The following EHBP1 variants were observed in gnomAD, a reference collection of about 807,000 sequenced individuals.
EHBP1 encodes the protein EH domain-binding protein 1.
A neutral mutation model predicts 144.0 loss-of-function variants in EHBP1; 55 were observed. That is an observed-to-expected ratio of 0.38 (90% confidence interval 0.31 to 0.48). The LOEUF is 0.48. Ranked by LOEUF, EHBP1 falls within the 20% of genes least tolerant of loss-of-function variation. The probability of loss-of-function intolerance (pLI) is 0.98; values close to 1 mark genes in which losing one functional copy is unlikely to be tolerated. For synonymous variants in EHBP1, 469 were observed against 472.7 expected (o/e 0.99, Z 0.10); for missense variants, 1,200 against 1,364.2 (o/e 0.88, Z 1.90).
At chr2:62,926,023 C>G (rs775784760) in intron 10 of EHBP1, among the ~76,000 whole-genome samples, 4 of 152,004 alleles carry the variant, frequency 2.6e-5, no homozygotes, top group Non-Finnish European at 5.9e-5. Flanking sequence ...CTATTCTTAC[C>G]AAAACAGCAT....
chr2:62,717,881 C>G (rs1044628889), intron 2 of EHBP1, among the ~76,000 whole-genome samples: 3 of 152,012 alleles, frequency 2.0e-5, no homozygotes, highest in Non-Finnish European at 4.4e-5. Flanking sequence ...AGAGAGAGCA[C>G]GTATTACTAG....
At chr2:62,936,867 T>C (rs1023682505) in intron 10 of EHBP1, among the ~76,000 whole-genome samples, 9 of 152,176 alleles carry the variant, frequency 5.9e-5, no homozygotes, top group Admixed American at 1.3e-4. Context: ...ACCAAATGCT[T>C]AGATATATTC....
intron 5 of EHBP1, among the ~76,000 whole-genome samples, chr2:62,804,563 A>T (rs2044295222): frequency 6.6e-6 from 1 of 152,250 alleles, no homozygotes; most frequent in African/African-American, 2.4e-5. Context: ...AAATATAGAT[A>T]GATTTGTTTA....
chr2:62,830,203 T>C (rs79092144), intron 6 of EHBP1, among the ~76,000 whole-genome samples: 2 of 82,518 alleles, frequency 2.4e-5, no homozygotes, highest in East Asian at 5.5e-4. Context: ...CACATATATA[T>C]ACACATATAC....
rs572629099 is a variant in EHBP1, at chr2:62,727,152, C to T, written c.104+19857C>T. Among the ~76,000 whole-genome samples the T allele has an allele frequency of 1.1e-4, 17 of 152,274 alleles. No individual in the cohort carries two copies. In the East Asian group the frequency reaches 2.3e-3, roughly 21 times the overall value. ...CTGGGATTACAGGCGTGAGCCACTG[C>T]GCCCGGCCTACAAGAACTATTTTTA... is the stretch of plus-strand genomic sequence containing the variant. On this transcript the variant is annotated intron_variant, in intron 2 of 22. Transcript: ENST00000431489.
chr2:62,868,464 T>A (rs953411491), intron 9 of EHBP1, among the ~76,000 whole-genome samples: 2 of 152,156 alleles, frequency 1.3e-5, no homozygotes, highest in African/African-American at 4.8e-5. Context: ...TTAAGTAGAA[T>A]GCAACAAAAC....
At chr2:62,745,377 A>C (rs2039055321) in intron 2 of EHBP1, among the ~76,000 whole-genome samples, 1 of 149,012 alleles carries the variant, frequency 6.7e-6, no homozygotes, top group Non-Finnish European at 1.5e-5. Context: ...TCTGAGGCTT[A>C]GAATATGGAA....
intron 14 of EHBP1, among the ~76,000 whole-genome samples, chr2:62,973,063 A>G (rs2058565742): frequency 6.6e-6 from 1 of 152,222 alleles, no homozygotes; most frequent in Non-Finnish European, 1.5e-5. Context: ...AGTTGGTTTT[A>G]TTAAGGATTG....
At chr2:62,908,819 T>G (rs1209644045) in intron 10 of EHBP1, among the ~76,000 whole-genome samples, 1 of 152,162 alleles carries the variant, frequency 6.6e-6, no homozygotes, top group Non-Finnish European at 1.5e-5. Flanking sequence ...AGAATATGAT[T>G]GTCTTGGTAA....
intron 2 of EHBP1, among the ~76,000 whole-genome samples, chr2:62,716,935 T>C (rs2035744212): frequency 6.6e-6 from 1 of 152,222 alleles, no homozygotes; most frequent in African/African-American, 2.4e-5. Flanking sequence ...CATTTCTTTT[T>C]TCATTATCTT....
intron 5 of EHBP1, among the ~76,000 whole-genome samples, chr2:62,801,545 G>GTGCT (rs2043988522): frequency 6.6e-6 from 1 of 152,068 alleles, no homozygotes; most frequent in African/African-American, 2.4e-5. Flanking sequence ...TTAAAAATAC[G>GTGCT]TGCTTTCAGT....
chr2:62,987,821 C>T, intron 15 of EHBP1: 1 of 558,086 alleles, frequency 1.8e-6, no homozygotes, highest in Non-Finnish European at 3.0e-6. Flanking sequence ...CTGTGTCAGA[C>T]CTGAATTTGA....
chr2:63,009,023 TGG>T (rs1469420566), intron 19 of EHBP1, among the ~76,000 whole-genome samples: 1 of 151,674 alleles, frequency 6.6e-6, no homozygotes, highest in African/African-American at 2.4e-5. Context: ...TACCGTGGAA[TGG>T]ACTTTAATGG....
intron 2 of EHBP1, among the ~76,000 whole-genome samples, chr2:62,730,799 T>A (rs62177758): frequency 4.2e-4 from 23 of 55,298 alleles, no homozygotes; most frequent in African/African-American, 1.6e-3. Context: ...AAGACAGAGA[T>A]GGACAGAGAC....
At chr2:62,882,379 A>G (rs984966785) in intron 10 of EHBP1, among the ~76,000 whole-genome samples, 1 of 152,240 alleles carries the variant, frequency 6.6e-6, no homozygotes. Flanking sequence ...GCCAATTCCA[A>G]TATCCATAAG....
At chr2:62,922,068 A>G (rs2055135400) in intron 10 of EHBP1, among the ~76,000 whole-genome samples, 1 of 152,122 alleles carries the variant, frequency 6.6e-6, no homozygotes. Flanking sequence ...CCAGCTACTC[A>G]GGAGGCTGAG....
chr2:62,794,690 C>T (rs907793536), intron 5 of EHBP1, among the ~76,000 whole-genome samples: 11 of 151,876 alleles, frequency 7.2e-5, no homozygotes, highest in Non-Finnish European at 1.5e-4. Flanking sequence ...ACCATATTTA[C>T]TATTGAATCT....
chr2:62,984,906 G>A (rs1458765270), intron 15 of EHBP1, among the ~76,000 whole-genome samples: 1 of 152,076 alleles, frequency 6.6e-6, no homozygotes, highest in Non-Finnish European at 1.5e-5. Context: ...CATTTCCTGG[G>A]TATCCCTGGA....
rs57039974 is a variant in EHBP1, at chr2:62,820,737, A to AATATATATATAT, written c.313-5317_313-5306dup. ...TGTGTGTGTGTGTGTGTGTGTGTAT[A>AATATATATATAT]ATATATATATATATATATATATATA... On this transcript the variant is annotated intron_variant, in intron 5 of 22. Coordinates refer to ENST00000431489, the MANE Select transcript of EHBP1 (RefSeq NM_001142616.3). Among the ~76,000 whole-genome samples, 127 of 54,640 alleles carry AATATATATATAT rather than the reference A, an allele frequency of 2.3e-3. 1 individual carries two copies. The highest frequency in any genetic ancestry group is 0.032 in the Middle Eastern group (2 of 62). 35.8% of individuals were successfully genotyped at this position (54,640 alleles called of 152,430 possible).
Sources: allele counts gnomAD v4.1 joint callset (sites outside exome capture counted in the v4.1 genomes callset), GRCh38; gene constraint gnomAD v4.1.1; transcripts MANE v1.5; gene names NCBI Gene and HGNC (gene_info 2026-07-23, HGNC 2026-07-21).